The following ZNF568 variants were observed in gnomAD, a reference collection of about 807,000 sequenced individuals.
ZNF568 encodes zinc finger protein 568.
ZNF568 carries 11 observed loss-of-function variants against 18.1 expected under a neutral mutation model. The observed-to-expected ratio is 0.61, with a 90% CI of 0.38 to 1.00. ZNF568 has a LOEUF of 1.00. Among genes scored for constraint, ZNF568 ranks in the 50% least tolerant of loss-of-function variants. The pLI is 0.01. For missense variants in ZNF568, 639 were observed against 768.2 expected (o/e 0.83, Z 1.99); for synonymous variants, 213 against 246.6 (o/e 0.86, Z 1.28).
At chr19:36,984,556 G>A (rs1894083156), downstream of ZNF568, among the ~76,000 whole-genome samples, 1 of 151,930 alleles carries the variant, frequency 6.6e-6, no homozygotes, top group Admixed American at 6.6e-5. Flanking sequence ...TGTATTGAGT[G>A]TTATCTTAGA....
At chr19:36,936,592 T>G (rs1568385762) in intron 4 of ZNF568, 154 bp from the exon 5 acceptor site, 1 of 623,350 alleles carries the variant, frequency 1.6e-6, no homozygotes, top group African/African-American at 1.8e-5. Context: ...GTCCAACCAT[T>G]ATTTCTTTGA....
rs1428010463 is a variant in ZNF568, at chr19:36,917,571, T to C, written c.-255-8T>C. The C allele has an allele frequency of 2.0e-5, 3 of 152,364 alleles. No individual in the cohort carries two copies. The East Asian group carries it at 5.8e-4, about 29-fold the overall frequency. The allele number at this position is 152,364 out of a possible 1,614,324, so 9.4% of individuals were successfully genotyped here. A position where few individuals can be genotyped will look rare whatever the true frequency, so the allele number is the denominator to read the frequency against. ...ATTTTCTAACCCCCTTGTGTCTTTATGTTTCAGATCTGTGTCTTGTAAAGA... is the reference window on the plus strand; with the variant it reads ...ATTTTCTAACCCCCTTGTGTCTTTACGTTTCAGATCTGTGTCTTGTAAAGA... On this transcript the variant is annotated splice_region_variant and splice_polypyrimidine_tract_variant and intron_variant, in intron 1 of 6. Coordinates refer to ENST00000333987, the MANE Select transcript of ZNF568 (RefSeq NM_198539.4).
chr19:36,932,186 T>G (rs1464502756), intron 4 of ZNF568, among the ~76,000 whole-genome samples: 3 of 152,230 alleles, frequency 2.0e-5, no homozygotes, highest in Non-Finnish European at 4.4e-5. Flanking sequence ...ATAAGAACAT[T>G]GATGTACAAG....
chr19:36,933,083 T>G (rs2073714212), intron 4 of ZNF568, among the ~76,000 whole-genome samples: 1 of 152,056 alleles, frequency 6.6e-6, no homozygotes, highest in Non-Finnish European at 1.5e-5. Context: ...TGGTGTCATA[T>G]CTAATAAACC....
At chr19:36,960,034 A>T (rs1166698950) in intron 6 of ZNF568, among the ~76,000 whole-genome samples, 1 of 148,226 alleles carries the variant, frequency 6.7e-6, no homozygotes, top group African/African-American at 2.5e-5. Flanking sequence ...TTATTTTGCT[A>T]ATTTGTGGTT....
intron 6 of ZNF568, among the ~76,000 whole-genome samples, chr19:36,966,784 C>T (rs753644908): frequency 1.1e-4 from 16 of 152,188 alleles, no homozygotes; most frequent in Admixed American, 3.9e-4. Context: ...GAATATTCAG[C>T]GATGCTCTGC....
At position 36,949,862 on chromosome 19, in the gene ZNF568, C is replaced by T. The variant is rs1394161993; in HGVS notation, c.709C>T (p.Leu237Phe). The T allele has an allele frequency of 6.2e-7, 1 of 1,613,844 alleles. No individual in the cohort carries two copies. The highest frequency in any genetic ancestry group is 1.3e-5 in the African/African-American group (1 of 74,912). The part of the protein sequence containing the change: ...CGQDFSHKFD[L>F]IRHERIHAGE... ...ACAAGACTTCAGTCATAAATTTGAC[C>T]TCATTAGACATGAGCGAATTCATGC... The change falls in exon 7 of 7, where the codon CTC (leucine) becomes TTC (phenylalanine). Residue 237 changes from leucine to phenylalanine, a missense_variant. Transcript: ENST00000333987.
chr19:36,955,764 T>C (rs1177530407), downstream of ZNF568, among the ~76,000 whole-genome samples: 1 of 151,888 alleles, frequency 6.6e-6, no homozygotes, highest in Non-Finnish European at 1.5e-5. Flanking sequence ...CAGTAGAAAT[T>C]GATAGATTTC....
chr19:36,941,063 T>C (rs2146296830), intron 6 of ZNF568, among the ~76,000 whole-genome samples: 1 of 152,282 alleles, frequency 6.6e-6, no homozygotes, highest in South Asian at 2.1e-4. Context: ...TTAGTTTATT[T>C]TTTCCCCTCT....
intron 4 of ZNF568, among the ~76,000 whole-genome samples, chr19:36,934,917 A>T (rs1414226149): frequency 6.7e-6 from 1 of 149,688 alleles, no homozygotes; most frequent in Non-Finnish European, 1.5e-5. Flanking sequence ...TACTTTACAC[A>T]ATTCTCTTAA....
chr19:36,987,718 T>A (rs867104746), intron 2 of ZNF568, among the ~76,000 whole-genome samples: 8 of 152,152 alleles, frequency 5.3e-5, no homozygotes, highest in Admixed American at 2.0e-4. Flanking sequence ...GGGGAAGTTG[T>A]TTCTTCTGAG....
chr19:36,997,443 T>G (rs1458708223), downstream of ZNF568: 2 of 1,589,926 alleles, frequency 1.3e-6, no homozygotes, highest in Non-Finnish European at 1.7e-6. Flanking sequence ...ATCAAAAAGT[T>G]CACACTGGGG....
chr19:36,952,038 C>CTT lies in ZNF568; in HGVS notation c.*966_*967dup, dbSNP rs138419937. 10,032 of 870,006 alleles carry CTT rather than the reference C, an allele frequency of 0.012. 7 individuals carry two copies. The highest frequency in any genetic ancestry group is 0.013 in the Non-Finnish European group (9,444 of 749,262). 53.9% of individuals were successfully genotyped at this position (870,006 alleles called of 1,614,324 possible). On this transcript the variant is annotated 3_prime_UTR_variant, in exon 7 of 7. Coordinates refer to ENST00000333987, the MANE Select transcript of ZNF568 (RefSeq NM_198539.4). The stretch of plus-strand genomic sequence containing the variant: ...TGTCTATGACGTTGAGGCCAAGGAG[C>CTT]TTTTTTTTTTTTTTTTTCAAGACAA...
rs144743462 is a variant in ZNF568, at chr19:36,923,748, C to T, written c.76+902C>T. 6.4e-3 allele frequency among the ~76,000 whole-genome samples: 965 copies of T among 151,930 alleles called. 28 individuals carry two copies. Among genetic ancestry groups the T allele is most frequent in the East Asian group, 0.05 (259 of 5,162 alleles). On this transcript the variant is annotated intron_variant, in intron 3 of 6. Coordinates refer to ENST00000333987, the MANE Select transcript of ZNF568 (RefSeq NM_198539.4). ...ACATCTTTTTATGACATCTTACATT[C>T]GGTTTTATGTTTTTCAGCCCTACTC... is the stretch of plus-strand genomic sequence containing the variant.
At chr19:36,980,895 T>C (rs1188582733), downstream of ZNF568, among the ~76,000 whole-genome samples, 3 of 152,148 alleles carry the variant, frequency 2.0e-5, no homozygotes, top group Non-Finnish European at 4.4e-5. Context: ...ACCGATTACA[T>C]GGTAGAAGTA....
downstream of ZNF568, among the ~76,000 whole-genome samples, chr19:36,954,735 AT>A (rs5827970): frequency 1.9e-3 from 277 of 142,884 alleles, no homozygotes; most frequent in Middle Eastern, 7.2e-3. Flanking sequence ...TGCCTGGCTA[AT>A]TTTTTTTTTT....
At chr19:36,935,299 C>A (rs986806570) in intron 4 of ZNF568, among the ~76,000 whole-genome samples, 2 of 152,028 alleles carry the variant, frequency 1.3e-5, no homozygotes, top group Non-Finnish European at 2.9e-5. Context: ...CGGGGGCTCA[C>A]GTCTGTAATC....
At chr19:36,974,557 A>T in intron 7 of ZNF568, 2 of 1,314,394 alleles carry the variant, frequency 1.5e-6, no homozygotes, top group Non-Finnish European at 2.1e-6. Context: ...ATTTACATTC[A>T]TGATTTGGAC....
rs2146310644 is a variant in ZNF568, at chr19:36,949,726, A to G, written c.573A>G (p.Leu191=). ...LDKGLEHNLD[L]LRYEKGCVRE... ...AGGGTTTGGAACATAATTTAGACTT[A>G]CTTAGATATGAGAAAGGCTGTGTAA... The change falls in exon 7 of 7, where the codon TTA becomes TTG. Residue 191 remains leucine, a synonymous_variant. Transcript: ENST00000333987. 1 of 1,613,960 alleles carries G rather than the reference A, an allele frequency of 6.2e-7. No individual in the cohort carries two copies. The highest frequency in any genetic ancestry group is 2.2e-5 in the East Asian group (1 of 44,842).
Sources: allele counts gnomAD v4.1 joint callset (sites outside exome capture counted in the v4.1 genomes callset), GRCh38; gene constraint gnomAD v4.1.1; transcripts MANE v1.5; gene names NCBI Gene and HGNC (gene_info 2026-07-23, HGNC 2026-07-21).